SUSD6: variants seen among roughly 807,000 people sequenced by gnomAD.
SUSD6 encodes the protein sushi domain containing 6.
SUSD6 carries 16 observed loss-of-function variants against 28.4 expected under a neutral mutation model. The ratio of observed to expected loss-of-function variants is 0.56; its 90% CI spans 0.38 to 0.86. The LOEUF is 0.86. Ranked by LOEUF, SUSD6 falls within the 40% of genes least tolerant of loss-of-function variation. The pLI, the probability that SUSD6 is intolerant of heterozygous loss-of-function variation, is 0.00. For missense variants in SUSD6, 341 were observed against 384.2 expected (o/e 0.89, Z 0.94); for synonymous variants, 147 against 159.6 (o/e 0.92, Z 0.59).
At chr14:69,677,550 A>G (rs1885930914) in intron 2 of SUSD6, among the ~76,000 whole-genome samples, 1 of 147,570 alleles carries the variant, frequency 6.8e-6, no homozygotes, top group African/African-American at 2.5e-5. Context: ...CCGTCTCAAA[A>G]AAAAAAAAAA....
intron 2 of SUSD6, among the ~76,000 whole-genome samples, chr14:69,685,952 A>G (rs1204940617): frequency 1.3e-5 from 2 of 152,188 alleles, no homozygotes; most frequent in East Asian, 1.9e-4. Flanking sequence ...TCAGCAGCAC[A>G]CTCTGAGCAG....
rs574663238 is a variant in SUSD6, at chr14:69,642,702, A to G, written c.-80-15811A>G. On this transcript the variant is annotated intron_variant, in intron 1 of 5. Coordinates refer to ENST00000342745, the MANE Select transcript of SUSD6 (RefSeq NM_014734.4). ...ACACGAGAGAATTCTGGGCGATACAATTCAAGGTGAGATTTGGTTGGGGAC... is the reference window on the plus strand; with the variant it reads ...ACACGAGAGAATTCTGGGCGATACAGTTCAAGGTGAGATTTGGTTGGGGAC... Among the ~76,000 whole-genome samples, 29 of 143,746 alleles carry G rather than the reference A, an allele frequency of 2.0e-4. 1 individual carries two copies. The highest frequency in any genetic ancestry group is 1.4e-3 in the Admixed American group (20 of 14,220). The allele number at this position is 143,746 out of a possible 152,430, so 94.3% of individuals were successfully genotyped here. A position where few individuals can be genotyped will look rare whatever the true frequency, so the allele number is the denominator to read the frequency against.
intron 1 of SUSD6, among the ~76,000 whole-genome samples, chr14:69,630,305 A>C (rs956593232): frequency 6.6e-6 from 1 of 152,202 alleles, no homozygotes; most frequent in Admixed American, 6.5e-5. Flanking sequence ...GAAGTCAGGG[A>C]GTAGAGGTGG....
At chr14:69,677,438 T>C (rs937603059) in intron 2 of SUSD6, among the ~76,000 whole-genome samples, 1 of 151,836 alleles carries the variant, frequency 6.6e-6, no homozygotes, top group African/African-American at 2.4e-5. Flanking sequence ...TCCCAGCTAC[T>C]TGGGAGGCTG....
At chr14:69,688,571 C>A (rs1181155097) in intron 2 of SUSD6, among the ~76,000 whole-genome samples, 1 of 152,210 alleles carries the variant, frequency 6.6e-6, no homozygotes, top group Admixed American at 6.5e-5. Context: ...CACAAGATAT[C>A]TTTGTATTCC....
chr14:69,668,331 T>C (rs1202743590), intron 2 of SUSD6, among the ~76,000 whole-genome samples: 4 of 151,814 alleles, frequency 2.6e-5, no homozygotes, highest in African/African-American at 7.3e-5. Flanking sequence ...TGAAGAGTTA[T>C]ATAGTTTGAA....
intron 1 of SUSD6, among the ~76,000 whole-genome samples, chr14:69,643,782 A>C (rs1885386720): frequency 6.6e-6 from 1 of 152,196 alleles, no homozygotes; most frequent in Admixed American, 6.5e-5. Flanking sequence ...TGACTCTGTA[A>C]TTCCATGAAG....
intron 2 of SUSD6, among the ~76,000 whole-genome samples, chr14:69,684,387 C>G (rs1173278796): frequency 6.6e-6 from 1 of 152,190 alleles, no homozygotes; most frequent in Non-Finnish European, 1.5e-5. Flanking sequence ...ATGTATCTAG[C>G]AGTCACTCTT....
At chr14:69,649,042 A>G (rs1048067695) in intron 1 of SUSD6, among the ~76,000 whole-genome samples, 4 of 151,796 alleles carry the variant, frequency 2.6e-5, no homozygotes, top group African/African-American at 9.7e-5. Context: ...ACTTCTCCCT[A>G]CTCCCATCAG....
chr14:69,656,433 G>T (rs73281540), intron 1 of SUSD6, among the ~76,000 whole-genome samples: 2,608 of 152,294 alleles, frequency 0.017, 77 homozygotes, highest in African/African-American at 0.06. Flanking sequence ...TGGTGTGACT[G>T]CACCTAAAAC....
At chr14:69,632,200 A>T (rs1885204829) in intron 1 of SUSD6, among the ~76,000 whole-genome samples, 1 of 152,190 alleles carries the variant, frequency 6.6e-6, no homozygotes, top group African/African-American at 2.4e-5. Context: ...TCCAGAGAGC[A>T]CCACTGTTCA....
chr14:69,664,625 T>G (rs1190790885), intron 2 of SUSD6, among the ~76,000 whole-genome samples: 1 of 152,206 alleles, frequency 6.6e-6, no homozygotes, highest in Non-Finnish European at 1.5e-5. Context: ...CTAATTGTTG[T>G]GCCATGTTTA....
At position 69,708,944 on chromosome 14, in the gene SUSD6, G is replaced by C; in HGVS notation, c.726G>C (p.Trp242Cys). 6.2e-7 allele frequency: 1 copy of C among 1,614,150 alleles called. No individual in the cohort carries two copies. The highest frequency in any genetic ancestry group is 8.5e-7 in the Non-Finnish European group (1 of 1,180,026). Residue 242 changes from tryptophan to cysteine, a missense_variant, in exon 5 of 6, where the codon TGG (tryptophan) becomes TGC (cysteine). Trp to Cys is a radical substitution (Grantham distance 215). Coordinates refer to ENST00000342745, the MANE Select transcript of SUSD6 (RefSeq NM_014734.4). ...APGQSGLCEA[W>C]GSRASETVMV... ...GCCAGTCTGGACTATGTGAAGCCTG[G>C]GGCTCTCGGGCCTCAGAGACTGTGA... is the stretch of plus-strand genomic sequence containing the variant.
chr14:69,686,002 G>A (rs1886067810), intron 2 of SUSD6, among the ~76,000 whole-genome samples: 1 of 152,204 alleles, frequency 6.6e-6, no homozygotes, highest in Admixed American at 6.5e-5. Flanking sequence ...GTGCTGCAGC[G>A]GTAACTTGCA....
intron 1 of SUSD6, among the ~76,000 whole-genome samples, chr14:69,650,678 C>T (rs1322409831): frequency 1.3e-5 from 2 of 152,214 alleles, no homozygotes; most frequent in Non-Finnish European, 2.9e-5. Context: ...TTTGTTCTCT[C>T]TTGCCTTCTC....
intron 2 of SUSD6, among the ~76,000 whole-genome samples, chr14:69,688,997 G>A (rs1316521650): frequency 6.6e-6 from 1 of 152,156 alleles, no homozygotes; most frequent in Non-Finnish European, 1.5e-5. Context: ...GGAAACATTT[G>A]CTAACTTCTC....
intron 1 of SUSD6, among the ~76,000 whole-genome samples, chr14:69,619,530 G>A (rs1885005350): frequency 2.0e-5 from 3 of 151,902 alleles, no homozygotes; most frequent in African/African-American, 7.3e-5. Context: ...GGAGGCTGAG[G>A]TGGGACAATT....
rs1886484693 is a variant in SUSD6, at chr14:69,712,832, C to T, written c.*1853C>T. 6.5e-6 allele frequency: 1 copy of T among 152,694 alleles called. No individual in the cohort carries two copies. Among genetic ancestry groups the T allele is most frequent in the Non-Finnish European group, 1.5e-5 (1 of 68,452 alleles). The allele number at this position is 152,694 out of a possible 1,614,324, so 9.5% of individuals were successfully genotyped here. On this transcript the variant is annotated 3_prime_UTR_variant, in exon 6 of 6. Transcript: ENST00000342745. ...CCACACTTCCCCTCCCCCAGGAGCC[C>T]TCATCTGCTGTGCTGAGTCCAGGAA...
At chr14:69,658,289 T>G (rs1310919766) in intron 1 of SUSD6, among the ~76,000 whole-genome samples, 1 of 152,178 alleles carries the variant, frequency 6.6e-6, no homozygotes, top group Non-Finnish European at 1.5e-5. Flanking sequence ...GCCATCCAGG[T>G]GAGACAGAGC....
Sources: allele counts gnomAD v4.1 joint callset (sites outside exome capture counted in the v4.1 genomes callset), GRCh38; gene constraint gnomAD v4.1.1; transcripts MANE v1.5; gene names NCBI Gene and HGNC (gene_info 2026-07-23, HGNC 2026-07-21).